Variants in FBXO9 observed in about 807,000 individuals in gnomAD.
FBXO9 encodes F-box only protein 9.
FBXO9 carries 43 observed loss-of-function variants against 63.7 expected under a neutral mutation model. That is an observed-to-expected ratio of 0.67 (90% CI 0.53 to 0.87). The LOEUF (loss-of-function observed/expected upper bound fraction) is 0.87, where lower values mean the gene tolerates loss of function less well. FBXO9 is among the 40% of genes least tolerant of loss of function. FBXO9 has a pLI of 0.00. For synonymous variants in FBXO9, 156 were observed against 171.7 expected (o/e 0.91, Z 0.72); for missense variants, 442 against 533.2 (o/e 0.83, Z 1.68).
chr6:53,097,189 TTAAA>T (rs1176067315), intron 12 of FBXO9, among the ~76,000 whole-genome samples: 1 of 152,188 alleles, frequency 6.6e-6, no homozygotes, highest in Non-Finnish European at 1.5e-5. Context: ...CATGCAATTA[TTAAA>T]TAATCAAATT....
At chr6:53,073,322 G>C (rs890235413) in intron 2 of FBXO9, among the ~76,000 whole-genome samples, 159 bp from the exon 3 acceptor site, 2 of 152,220 alleles carry the variant, frequency 1.3e-5, no homozygotes. Context: ...TTTAAAAGAT[G>C]TATTTAATGG....
At chr6:53,082,210 AGATTATTTTCC>A (rs1362448301) in intron 6 of FBXO9, among the ~76,000 whole-genome samples, 9 of 152,240 alleles carry the variant, frequency 5.9e-5, no homozygotes, top group African/African-American at 1.7e-4. Flanking sequence ...ACACACACAT[AGATTATTTTCC>A]TAAAACATTT....
intron 7 of FBXO9, among the ~76,000 whole-genome samples, chr6:53,083,470 G>A (rs1371292320): frequency 6.6e-6 from 1 of 152,198 alleles, no homozygotes; most frequent in Non-Finnish European, 1.5e-5. Context: ...GAATACACAT[G>A]CCATAGTAAA....
chr6:53,092,479 G>A lies in FBXO9; in HGVS notation c.704G>A (p.Cys235Tyr), dbSNP rs772341752. ...LACLKVWGRS[C>Y]IKLVPYTSWR... ...TGCTTGAAAGTTTGGGGCAGAAGCT[G>A]TATTAAACTTGTTCCGTACACGTCC... The change falls in exon 8 of 13, where the codon TGT (cysteine) becomes TAT (tyrosine). Residue 235 changes from cysteine to tyrosine, a missense_variant. Cys to Tyr is a radical substitution (Grantham distance 194, BLOSUM62 -2). This residue lies in a region of FBXO9 where 262 missense variants were observed against 362.1 expected (regional missense o/e 0.72). Transcript: ENST00000323557. The A allele has an allele frequency of 9.9e-6, 16 of 1,613,858 alleles. No homozygotes were observed. Among genetic ancestry groups the A allele is most frequent in the East Asian group, 2.2e-5 (1 of 44,882 alleles).
chr6:53,078,763 TG>T, intron 4 of FBXO9, 35 bp from the exon 5 acceptor site: 1 of 1,465,450 alleles, frequency 6.8e-7, no homozygotes, highest in Non-Finnish European at 9.5e-7. Context: ...CAAAAATGTG[TG>T]GTCACAGCTA....
chr6:53,082,021 A>T lies in FBXO9; in HGVS notation c.539-483A>T, dbSNP rs995126737. Among the ~76,000 whole-genome samples the T allele has an allele frequency of 3.3e-5, 5 of 152,138 alleles. No homozygotes were observed. In the East Asian group the frequency reaches 7.7e-4, roughly 23 times the overall value. On this transcript the variant is annotated intron_variant, in intron 6 of 12. Coordinates refer to ENST00000323557, the MANE Select transcript of FBXO9 (RefSeq NM_033480.3). ...GAGGCAGAGGCTGCAGTGAGCTGAG[A>T]TTGTATCACTGCACTCCAGCCTGGG... is the stretch of plus-strand genomic sequence containing the variant.
chr6:53,076,409 TA>T, intron 3 of FBXO9, 76 bp from the exon 4 acceptor site: 1 of 896,488 alleles, frequency 1.1e-6, no homozygotes, highest in Non-Finnish European at 1.7e-6. Context: ...CACAATTTAT[TA>T]AAAAGGCTCT....
At chr6:53,074,532 GT>G (rs1562064633) in intron 3 of FBXO9, among the ~76,000 whole-genome samples, 1 of 152,180 alleles carries the variant, frequency 6.6e-6, no homozygotes, top group Non-Finnish European at 1.5e-5. Context: ...TGTATAAATA[GT>G]TGTTTGCAGT....
intron 8 of FBXO9, 64 bp from the exon 9 acceptor site, chr6:53,092,670 G>A (rs1046454147): frequency 3.5e-6 from 5 of 1,439,008 alleles, no homozygotes; most frequent in Non-Finnish European, 3.9e-6. Context: ...GGAAACCACA[G>A]TAAATATAAT....
intron 1 of FBXO9, among the ~76,000 whole-genome samples, chr6:53,069,900 TTAAG>T (rs1202733568): frequency 6.6e-6 from 1 of 152,026 alleles, no homozygotes; most frequent in Admixed American, 6.5e-5. Flanking sequence ...TTAATTCTCT[TTAAG>T]TGTTTTTCTC....
intron 7 of FBXO9, among the ~76,000 whole-genome samples, chr6:53,088,318 T>C (rs1362661299): frequency 6.6e-6 from 1 of 152,192 alleles, no homozygotes; most frequent in Non-Finnish European, 1.5e-5. Flanking sequence ...ACTTAGACTA[T>C]ATATATTCTA....
intron 1 of FBXO9, among the ~76,000 whole-genome samples, chr6:53,068,778 G>T (rs867428047): frequency 6.6e-6 from 1 of 150,774 alleles, no homozygotes; most frequent in African/African-American, 2.4e-5. Context: ...TCAGCCTCCC[G>T]AGTAGCTGGG....
intron 3 of FBXO9, among the ~76,000 whole-genome samples, chr6:53,075,523 G>A (rs1030781697): frequency 3.3e-5 from 5 of 150,856 alleles, no homozygotes; most frequent in African/African-American, 1.2e-4. Flanking sequence ...TGGGATTACA[G>A]GAGTGAGCCA....
At chr6:53,093,349 C>A (rs1012107658) in intron 9 of FBXO9, 117 bp from the exon 10 acceptor site, 13 of 596,416 alleles carry the variant, frequency 2.2e-5, no homozygotes, top group Middle Eastern at 5.4e-4. Context: ...TTCTTTAGCC[C>A]GTGGTATTTC....
intron 2 of FBXO9, among the ~76,000 whole-genome samples, chr6:53,073,083 T>C (rs1343281421): frequency 6.6e-6 from 1 of 152,212 alleles, no homozygotes; most frequent in Non-Finnish European, 1.5e-5. Flanking sequence ...TACAGAATGT[T>C]AATAGATTTT....
Position 53,076,810 on chromosome 6 carries a change from T to G in FBXO9, c.307+267T>G, listed in dbSNP as rs556384991. ...CTGTATTTTTTTTTTAAATTTGTAT[T>G]TATTTTAAATATTTTTGATCTGTAG... On this transcript the variant is annotated intron_variant, in intron 4 of 12. Coordinates refer to ENST00000323557, the MANE Select transcript of FBXO9 (RefSeq NM_033480.3). 1.1e-4 allele frequency among the ~76,000 whole-genome samples: 17 copies of G among 152,120 alleles called. No homozygotes were observed. In the East Asian group the frequency reaches 2.5e-3, roughly 22 times the overall value.
At chr6:53,077,364 T>C (rs1037201385) in intron 4 of FBXO9, among the ~76,000 whole-genome samples, 1 of 148,712 alleles carries the variant, frequency 6.7e-6, no homozygotes, top group Admixed American at 6.7e-5. Context: ...TCCCAGCTAC[T>C]TGGGAGGCTG....
intron 7 of FBXO9, among the ~76,000 whole-genome samples, chr6:53,087,924 C>T (rs1762939068): frequency 6.6e-6 from 1 of 152,176 alleles, no homozygotes; most frequent in Admixed American, 6.5e-5. Flanking sequence ...CTTGACCACA[C>T]ACAAAATCTT....
chr6:53,068,659 T>G (rs192834641), intron 1 of FBXO9, among the ~76,000 whole-genome samples: 1,730 of 149,490 alleles, frequency 0.012, 36 homozygotes, highest in African/African-American at 0.039. Flanking sequence ...TATGTGTTTT[T>G]TTTTTTTTTT....
Sources: allele counts gnomAD v4.1 joint callset (sites outside exome capture counted in the v4.1 genomes callset), GRCh38; gene constraint gnomAD v4.1.1; regional missense constraint gnomAD v4.1.1; transcripts MANE v1.5; gene names NCBI Gene and HGNC (gene_info 2026-07-23, HGNC 2026-07-21).